RSF1: variants seen among roughly 807,000 people sequenced by gnomAD.
RSF1 encodes remodeling and spacing factor 1.
Under a neutral mutation model 145.2 loss-of-function variants are expected in RSF1, and 13 were observed. That is an observed-to-expected ratio of 0.09 (90% CI 0.06 to 0.14). The LOEUF (loss-of-function observed/expected upper bound fraction) is 0.14, where lower values mean the gene tolerates loss of function less well. Among genes scored for constraint, RSF1 ranks in the 10% least tolerant of loss-of-function variants. The pLI is 1.00. For missense variants in RSF1, 1,517 were observed against 1,718.2 expected (o/e 0.88, Z 2.07); for synonymous variants, 577 against 592.6 (o/e 0.97, Z 0.38).
chr11:77,754,165 T>A (rs1257950781), intron 2 of RSF1, among the ~76,000 whole-genome samples: 1 of 152,090 alleles, frequency 6.6e-6, no homozygotes, highest in East Asian at 1.9e-4. Context: ...GGAGGTTATA[T>A]CCTATGAGGC....
intron 3 of RSF1, among the ~76,000 whole-genome samples, chr11:77,741,683 C>T (rs1403440469): frequency 1.3e-5 from 2 of 152,136 alleles, no homozygotes; most frequent in South Asian, 2.1e-4. Context: ...ACATCTACTA[C>T]CTAAGAATTT....
the RSF1 span, among the ~76,000 whole-genome samples, chr11:77,830,579 G>A: frequency 6.7e-6 from 1 of 149,332 alleles, no homozygotes; most frequent in Non-Finnish European, 1.5e-5. Flanking sequence ...AGGTGCCCCC[G>A]ACCCCTTCTT....
upstream of RSF1, among the ~76,000 whole-genome samples, chr11:77,823,533 C>G (rs1229922645): frequency 6.8e-6 from 1 of 146,014 alleles, no homozygotes; most frequent in Non-Finnish European, 1.5e-5. Flanking sequence ...AGTTCGAGAC[C>G]AGCCTGGGCA....
At chr11:77,681,161 ATGTATCTATAGTCCCT>A (rs1959849290) in intron 11 of RSF1, among the ~76,000 whole-genome samples, 1 of 152,184 alleles carries the variant, frequency 6.6e-6, no homozygotes, top group South Asian at 2.1e-4. Flanking sequence ...ACAACACTCC[ATGTATCTATAGTCCCT>A]TGGTCTTGGT....
At chr11:77,677,910 C>T (rs1339782640) in intron 12 of RSF1, among the ~76,000 whole-genome samples, 176 bp downstream of exon 12, 2 of 152,162 alleles carry the variant, frequency 1.3e-5, no homozygotes, top group East Asian at 3.8e-4. Flanking sequence ...AGATCTGAGT[C>T]TATACACTGA....
the RSF1 span, among the ~76,000 whole-genome samples, chr11:77,871,244 CAG>C: frequency 1.5e-3 from 225 of 152,220 alleles, no homozygotes; most frequent in Middle Eastern, 6.8e-3. Flanking sequence ...CTTTCTGAGG[CAG>C]AGTCTAATTA....
At chr11:77,867,580 A>G in the RSF1 span, among the ~76,000 whole-genome samples, 6 of 152,214 alleles carry the variant, frequency 3.9e-5, no homozygotes, top group Non-Finnish European at 7.3e-5. Context: ...TGAATGAATG[A>G]AAGGATAGAG....
At chr11:77,719,309 T>C (rs1186084392) in intron 5 of RSF1, among the ~76,000 whole-genome samples, 1 of 152,208 alleles carries the variant, frequency 6.6e-6, no homozygotes, top group African/African-American at 2.4e-5. Flanking sequence ...CTCCTTTTTC[T>C]GAAATAATTC....
the RSF1 span, among the ~76,000 whole-genome samples, chr11:77,861,492 G>T: frequency 1.3e-5 from 2 of 152,166 alleles, no homozygotes; most frequent in Non-Finnish European, 2.9e-5. Context: ...CTCTGTGAGG[G>T]TGATGGCATG....
At chr11:77,676,422 T>C (rs960585789) in intron 13 of RSF1, among the ~76,000 whole-genome samples, 1 of 152,188 alleles carries the variant, frequency 6.6e-6, no homozygotes, top group Non-Finnish European at 1.5e-5. Context: ...CAAGTCCAAC[T>C]TCTATGAGTC....
At chr11:77,828,385 T>C in the RSF1 span, among the ~76,000 whole-genome samples, 1 of 152,040 alleles carries the variant, frequency 6.6e-6, no homozygotes, top group African/African-American at 2.4e-5. Context: ...ATGAAAATTA[T>C]AGCCGGGTGC....
intron 8 of RSF1, 146 bp downstream of exon 8, chr11:77,693,361 A>ATT (rs1960204926): frequency 5.7e-6 from 3 of 525,160 alleles, no homozygotes; most frequent in Non-Finnish European, 1.0e-5. Flanking sequence ...CCTAAAAGCT[A>ATT]TTAATAAAAG....
chr11:77,780,801 G>C lies in RSF1; in HGVS notation c.188-16112C>G, dbSNP rs556242517. ...GATCATGCCACTGCACTACAGCCTG[G>C]GTGACAGAGCGAGACTCCGTCTCAA... On this transcript the variant is annotated intron_variant, in intron 1 of 15. Coordinates refer to ENST00000308488, the MANE Select transcript of RSF1 (RefSeq NM_016578.4). 2.5e-4 allele frequency among the ~76,000 whole-genome samples: 36 copies of C among 146,776 alleles called. No individual in the cohort carries two copies. The East Asian group carries it at 7.2e-3, about 29-fold the overall frequency.
intron 2 of RSF1, among the ~76,000 whole-genome samples, chr11:77,753,457 G>A (rs942714658): frequency 1.3e-5 from 2 of 152,180 alleles, no homozygotes; most frequent in African/African-American, 4.8e-5. Flanking sequence ...GACACCACTA[G>A]GCTAGGAGGA....
chr11:77,691,612 TA>T (rs1170245802), intron 8 of RSF1: 1 of 161,724 alleles, frequency 6.2e-6, no homozygotes, highest in Non-Finnish European at 1.3e-5. Context: ...CGATATAACA[TA>T]ATGATGCCAA....
chr11:77,735,071 G>T, intron 4 of RSF1: 1 of 1,141,706 alleles, frequency 8.8e-7, no homozygotes, highest in Non-Finnish European at 1.3e-6. Context: ...TGGCTGCGTG[G>T]CGCTGGGGCG....
intron 4 of RSF1, chr11:77,735,029 C>A (rs552819458): frequency 6.6e-7 from 1 of 1,518,966 alleles, no homozygotes; most frequent in African/African-American, 1.4e-5. Flanking sequence ...GTCCTCATGG[C>A]GGCGACTAAG....
At chr11:77,686,601 A>C (rs1389315900) in intron 9 of RSF1, among the ~76,000 whole-genome samples, 1 of 151,930 alleles carries the variant, frequency 6.6e-6, no homozygotes, top group Non-Finnish European at 1.5e-5. Flanking sequence ...TAGGTCTTTT[A>C]GAGTGCAGCC....
the RSF1 span, among the ~76,000 whole-genome samples, chr11:77,846,800 T>G: frequency 6.6e-6 from 1 of 152,348 alleles, no homozygotes; most frequent in South Asian, 2.1e-4. Context: ...GTCCTTGTTT[T>G]TTAATTTTAA....
Sources: gnomAD v4.1 joint callset for allele counts (sites outside exome capture counted in the v4.1 genomes callset) on GRCh38, gnomAD v4.1.1 for gene constraint, MANE v1.5 for transcripts, NCBI Gene and HGNC (gene_info 2026-07-23, HGNC 2026-07-21) for gene names.